Variants in PCDHGB1 observed in about 807,000 individuals in gnomAD.
PCDHGB1 encodes protocadherin gamma subfamily B, 1.
A neutral mutation model predicts 56.6 loss-of-function variants in PCDHGB1; 34 were observed. That is an observed-to-expected ratio of 0.60 (90% CI 0.46 to 0.80). The LOEUF (loss-of-function observed/expected upper bound fraction) is 0.80. Among genes scored for constraint, PCDHGB1 ranks in the 30% least tolerant of loss-of-function variants. PCDHGB1 has a pLI of 0.00. For synonymous variants in PCDHGB1, 561 were observed against 505.9 expected, an observed-to-expected ratio of 1.11 and a Z score of -1.46; for missense variants, 1,278 against 1,204.6, an observed-to-expected ratio of 1.06 and a Z score of -0.90.
intron 1 of PCDHGB1, chr5:141,413,901 C>T (rs375828969): frequency 1.5e-5 from 24 of 1,613,244 alleles, no homozygotes; most frequent in African/African-American, 1.1e-4. Context: ...CAAATGACAA[C>T]GCGCCGGTCT....
Position 141,431,388 on chromosome 5 carries a change from T to G in PCDHGB1, c.2410-63419T>G. 1 of 1,613,920 alleles carries G rather than the reference T, an allele frequency of 6.2e-7. No individual in the cohort carries two copies. The highest frequency in any genetic ancestry group is 8.5e-7 in the Non-Finnish European group (1 of 1,180,038). ...CGCGAAGAAAAGGCTGCTCACCACC[T>G]GGTCCTTACGGCCTCCGACGGGGGC... On this transcript the variant is annotated intron_variant, in intron 1 of 3. Transcript: ENST00000523390. The surrounding 1 kb of genome is among the most constrained non-coding windows in gnomAD (Gnocchi z 4.8).
At chr5:141,450,006 C>CTATTTTTTTTT (rs70988802) in intron 1 of PCDHGB1, among the ~76,000 whole-genome samples, 2 of 132,964 alleles carry the variant, frequency 1.5e-5, no homozygotes, top group African/African-American at 2.8e-5. Flanking sequence ...TGCCATGTCT[C>CTATTTTTTTTT]TTTTTTTTTT....
intron 1 of PCDHGB1, chr5:141,374,228 G>T (rs776875063): frequency 6.2e-7 from 1 of 1,613,990 alleles, no homozygotes; most frequent in Non-Finnish European, 8.5e-7. Flanking sequence ...AGGCAACATC[G>T]TCAAGGATCT....
In PCDHGB1 at chr5:141,511,774, T is replaced by C. The variant is rs1173144009; in HGVS notation, c.*601T>C. 6.2e-6 allele frequency: 1 copy of C among 160,350 alleles called. No homozygotes were observed. The highest frequency in any genetic ancestry group is 1.4e-5 in the Non-Finnish European group (1 of 72,132). The allele number at this position is 160,350 out of a possible 1,614,324, so 9.9% of individuals were successfully genotyped here. A position where few individuals can be genotyped will look rare whatever the true frequency, so the allele number is the denominator to read the frequency against. On this transcript the variant is annotated 3_prime_UTR_variant, in exon 4 of 4. Coordinates refer to ENST00000523390, the MANE Select transcript of PCDHGB1 (RefSeq NM_018922.3). ...ATGATCACCATCCCCATGGTACTGA[T>C]GCTTGCTGGATTTAGGGAGGGCATT...
intron 1 of PCDHGB1, among the ~76,000 whole-genome samples, chr5:141,402,022 T>A (rs1170426258): frequency 6.6e-6 from 1 of 152,210 alleles, no homozygotes; most frequent in East Asian, 1.9e-4. Context: ...TTTGAATCAT[T>A]GAAACACAGT....
chr5:141,492,023 C>A, intron 1 of PCDHGB1: 1 of 564,804 alleles, frequency 1.8e-6, no homozygotes, highest in Non-Finnish European at 3.0e-6. Context: ...TCGGGGGTCC[C>A]GGGAGGAGGC....
At chr5:141,365,191 A>C (rs1263019810) in intron 1 of PCDHGB1, 1 of 1,613,908 alleles carries the variant, frequency 6.2e-7, no homozygotes, top group Admixed American at 1.7e-5. Flanking sequence ...AAGAAGAAAA[A>C]ATTTCGGAGA....
chr5:141,400,369 T>C (rs2150855153), intron 1 of PCDHGB1: 2 of 1,614,078 alleles, frequency 1.2e-6, no homozygotes, highest in Admixed American at 3.3e-5. Context: ...GCCTTATTCC[T>C]ACAACCTATG....
In PCDHGB1 at chr5:141,485,132, T is replaced by C. The variant is rs1020670896; in HGVS notation, c.2410-9675T>C. On this transcript the variant is annotated intron_variant, in intron 1 of 3. Transcript: ENST00000523390. This position sits in a 1 kb window ranked among gnomAD's most constrained non-coding sequence, Gnocchi z 5.7. ...GGCTGTTTGGGGCGGGTCGGCTTCATCCGCGTCTCAGGAGCAAGTAGAGAA... is the reference window on the plus strand; with the variant it reads ...GGCTGTTTGGGGCGGGTCGGCTTCACCCGCGTCTCAGGAGCAAGTAGAGAA... 8.1e-6 allele frequency: 12 copies of C among 1,489,136 alleles called. No individual in the cohort carries two copies. Among genetic ancestry groups the C allele is most frequent in the East Asian group, 2.3e-5 (1 of 44,214 alleles). The allele number at this position is 1,489,136 out of a possible 1,614,324, so 92.2% of individuals were successfully genotyped here.
chr5:141,375,253 C>G, intron 1 of PCDHGB1: 1 of 1,613,916 alleles, frequency 6.2e-7, no homozygotes, highest in Non-Finnish European at 8.5e-7. Flanking sequence ...CGAGAAGTCT[C>G]CCATTTGAAT....
At chr5:141,459,215 G>C (rs2098963353) in intron 1 of PCDHGB1, among the ~76,000 whole-genome samples, 1 of 152,112 alleles carries the variant, frequency 6.6e-6, no homozygotes, top group South Asian at 2.1e-4. Flanking sequence ...TACTTCTCCA[G>C]CTCCAGGCAA....
rs374663576 is a variant in PCDHGB1 at position 141,489,905 on chromosome 5, G to A, written c.2410-4902G>A. The A allele has an allele frequency of 2.8e-4, 459 of 1,614,108 alleles. No homozygotes were observed. Among genetic ancestry groups the A allele is most frequent in the Non-Finnish European group, 3.4e-4 (405 of 1,180,054 alleles). On this transcript the variant is annotated intron_variant, in intron 1 of 3. Coordinates refer to ENST00000523390, the MANE Select transcript of PCDHGB1 (RefSeq NM_018922.3). The surrounding 1 kb of genome is among the most constrained non-coding windows in gnomAD (Gnocchi z 4.5). ...GCTGTGGATGGGGGGACCCCAGCCC[G>A]CTCAGGGACCACCCTTATCTCTGTC...
chr5:141,384,702 C>T lies in PCDHGB1; in HGVS notation c.2409+32033C>T, dbSNP rs115492697. ...CGGTGGACAAAGATTCAGGCCAGAACGCCTGGCTGTCATACCTCCTGCTTA... is the reference window on the plus strand; with the variant it reads ...CGGTGGACAAAGATTCAGGCCAGAATGCCTGGCTGTCATACCTCCTGCTTA... On this transcript the variant is annotated intron_variant, in intron 1 of 3. Coordinates refer to ENST00000523390, the MANE Select transcript of PCDHGB1 (RefSeq NM_018922.3). The T allele has an allele frequency of 1.9e-3, 3,011 of 1,614,186 alleles. 49 individuals carry two copies. The African/African-American group carries it at 0.033, about 18-fold the overall frequency.
At chr5:141,503,284 G>C (rs899456087) in intron 2 of PCDHGB1, among the ~76,000 whole-genome samples, 2 of 152,044 alleles carry the variant, frequency 1.3e-5, no homozygotes, top group African/African-American at 4.8e-5. Flanking sequence ...TCTGTGTCTG[G>C]TACATAGAAA....
chr5:141,376,351 G>C (rs1333788917), intron 1 of PCDHGB1: 31 of 1,614,060 alleles, frequency 1.9e-5, no homozygotes, highest in Non-Finnish European at 2.6e-5. Flanking sequence ...ATTCCCACGA[G>C]GTCTCACTCA....
At chr5:141,424,720 G>A (rs530298674) in intron 1 of PCDHGB1, 4 of 152,090 alleles carry the variant, frequency 2.6e-5, no homozygotes, top group Non-Finnish European at 4.4e-5. Flanking sequence ...GTGTAGTTGG[G>A]AGTCATAGAT....
chr5:141,450,454 G>A (rs144071286), intron 1 of PCDHGB1, among the ~76,000 whole-genome samples: 3,498 of 151,958 alleles, frequency 0.023, 60 homozygotes, highest in Middle Eastern at 0.051. Flanking sequence ...ATGTTTCCTC[G>A]TGATTTTATA....
chr5:141,409,714 C>T (rs1053132512), intron 1 of PCDHGB1: 1 of 1,613,226 alleles, frequency 6.2e-7, no homozygotes, highest in Non-Finnish European at 8.5e-7. Flanking sequence ...TGTCGTCATA[C>T]GTGTCAGTGA....
chr5:141,360,278 G>A lies in PCDHGB1; in HGVS notation c.2409+7609G>A, dbSNP rs1761512011. On this transcript the variant is annotated intron_variant, in intron 1 of 3. Transcript: ENST00000523390. ...GAGCTGGCCAAAAACTCGGTCGTAGGAAACCTCGCCAAGGATCTGGGGCTC... is the reference window on the plus strand; with the variant it reads ...GAGCTGGCCAAAAACTCGGTCGTAGAAAACCTCGCCAAGGATCTGGGGCTC... 1.9e-6 allele frequency: 3 copies of A among 1,613,846 alleles called. No individual in the cohort carries two copies. In the African/African-American group the frequency reaches 4.0e-5, roughly 22 times the overall value.
Sources: gnomAD v4.1 joint callset for allele counts (sites outside exome capture counted in the v4.1 genomes callset) on GRCh38, gnomAD v4.1.1 for gene constraint, Gnocchi (gnomAD v3.1) non-coding constraint, MANE v1.5 for transcripts, NCBI Gene and HGNC (gene_info 2026-07-23, HGNC 2026-07-21) for gene names.